The following IFT88 variants were observed in gnomAD, a reference collection of about 807,000 sequenced individuals.
The protein encoded by IFT88 is intraflagellar transport protein 88 homolog.
Under a neutral mutation model 119.5 loss-of-function variants are expected in IFT88, and 74 were observed. That is an observed-to-expected ratio of 0.62 (90% CI 0.51 to 0.75). The LOEUF (loss-of-function observed/expected upper bound fraction) is 0.75. IFT88 is among the 30% of genes least tolerant of loss of function. The probability of loss-of-function intolerance (pLI) is 0.00; values close to 1 mark genes in which losing one functional copy is unlikely to be tolerated. For missense variants in IFT88, 961 were observed against 977.7 expected, an observed-to-expected ratio of 0.98 and a Z score of 0.23; for synonymous variants, 279 against 316.7, an observed-to-expected ratio of 0.88 and a Z score of 1.26.
rs774970759 is a variant in IFT88, at chr13:20,690,828, C to T, written c.2353+13C>T. The T allele has an allele frequency of 6.4e-7, 1 of 1,563,742 alleles. No homozygotes were observed. The highest frequency in any genetic ancestry group is 1.1e-5 in the South Asian group (1 of 90,008). ...AACAAAGAAATAGGCAAGTACTCTC[C>T]ACCCAGTTCCTCCAGGCATAGCAGG... On this transcript the variant is annotated intron_variant, in intron 25 of 25. Coordinates refer to ENST00000351808, the MANE Select transcript of IFT88 (RefSeq NM_006531.5).
At chr13:20,610,337 G>A (rs530370057) in intron 13 of IFT88, among the ~76,000 whole-genome samples, 10 of 152,148 alleles carry the variant, frequency 6.6e-5, no homozygotes, top group South Asian at 6.2e-4. Flanking sequence ...TGTGTAAAAC[G>A]GGAAGAGTCA....
chr13:20,623,635 C>T (rs1253503917), intron 14 of IFT88, among the ~76,000 whole-genome samples: 1 of 152,092 alleles, frequency 6.6e-6, no homozygotes, highest in African/African-American at 2.4e-5. Context: ...CCACCATGCC[C>T]AGCTAATTTT....
At chr13:20,652,031 T>C (rs1197307331) in intron 20 of IFT88, among the ~76,000 whole-genome samples, 1 of 152,126 alleles carries the variant, frequency 6.6e-6, no homozygotes, top group Non-Finnish European at 1.5e-5. Context: ...TTTGTAGAGA[T>C]AGAAAGTAGA....
intron 1 of IFT88, among the ~76,000 whole-genome samples, chr13:20,568,217 T>C (rs1278112135): frequency 1.3e-5 from 2 of 152,160 alleles, no homozygotes; most frequent in Non-Finnish European, 2.9e-5. Flanking sequence ...TGATTTATAT[T>C]AAACATAGGT....
chr13:20,589,917 G>T, intron 4 of IFT88, 50 bp downstream of exon 4: 1 of 1,090,554 alleles, frequency 9.2e-7, no homozygotes, highest in Non-Finnish European at 1.4e-6. Flanking sequence ...TCATACAATA[G>T]TTCACTTTAG....
At chr13:20,593,955 G>A (rs772093731) in intron 7 of IFT88, among the ~76,000 whole-genome samples, 6 of 152,022 alleles carry the variant, frequency 3.9e-5, no homozygotes, top group Non-Finnish European at 8.8e-5. Context: ...GAAGGCTGAG[G>A]TGGGAGGATG....
intron 14 of IFT88, 53 bp downstream of exon 14, chr13:20,615,932 T>C: frequency 1.0e-6 from 1 of 964,812 alleles, no homozygotes; most frequent in Non-Finnish European, 1.5e-6. Context: ...TCATAATTTA[T>C]ACTTTTAAAT....
intron 18 of IFT88, chr13:20,642,131 G>A (rs1328725323): frequency 6.6e-6 from 1 of 151,978 alleles, no homozygotes; most frequent in Non-Finnish European, 1.5e-5. Context: ...TCCTTATTTT[G>A]GTAAGCTTTG....
At position 20,638,592 on chromosome 13, in the gene IFT88, A is replaced by C. The variant is rs183555891; in HGVS notation, c.1573+74A>C. ...TATTTGTTTTTGTTTTGTTTTGCTT[A>C]AAGAGCTCTAACACATTAGGAGGAG... On this transcript the variant is annotated intron_variant, in intron 17 of 25. Transcript: ENST00000351808. 8.3e-5 allele frequency: 89 copies of C among 1,077,432 alleles called. No individual in the cohort carries two copies. In the African/African-American group the frequency reaches 1.3e-3, roughly 16 times the overall value. 66.7% of individuals were successfully genotyped at this position (1,077,432 alleles called of 1,614,324 possible). A position where few individuals can be genotyped will look rare whatever the true frequency, so the allele number is the denominator to read the frequency against.
At chr13:20,650,415 T>A (rs913400102) in intron 20 of IFT88, among the ~76,000 whole-genome samples, 8 of 152,122 alleles carry the variant, frequency 5.3e-5, no homozygotes, top group Non-Finnish European at 1.2e-4. Flanking sequence ...ATGACAAAAT[T>A]CAACACCGCT....
At chr13:20,634,209 C>A (rs1327621672) in intron 16 of IFT88, among the ~76,000 whole-genome samples, 1 of 152,118 alleles carries the variant, frequency 6.6e-6, no homozygotes, top group African/African-American at 2.4e-5. Flanking sequence ...TTTTGTTGAA[C>A]AAAACAAACA....
intron 14 of IFT88, among the ~76,000 whole-genome samples, chr13:20,617,815 A>T (rs1367817940): frequency 1.3e-5 from 2 of 152,120 alleles, no homozygotes; most frequent in Non-Finnish European, 1.5e-5. Flanking sequence ...TTTTCTTGAG[A>T]TTGAGTCTCA....
intron 16 of IFT88, among the ~76,000 whole-genome samples, chr13:20,632,510 C>T (rs1429367515): frequency 6.6e-6 from 1 of 152,168 alleles, no homozygotes; most frequent in Admixed American, 6.5e-5. Context: ...GTTTTGCTTA[C>T]GTTTTGCTCA....
intron 20 of IFT88, among the ~76,000 whole-genome samples, chr13:20,648,738 T>G (rs74538886): frequency 0.014 from 2,168 of 152,190 alleles, 47 homozygotes; most frequent in African/African-American, 0.05. Flanking sequence ...GCAGATTGAA[T>G]AAGAAAATCA....
chr13:20,628,702 T>G (rs184007803), intron 15 of IFT88, among the ~76,000 whole-genome samples: 52 of 152,300 alleles, frequency 3.4e-4, no homozygotes, highest in African/African-American at 1.1e-3. Flanking sequence ...TAGATCATAG[T>G]TTAGAAACGT....
chr13:20,570,876 T>C (rs1357832384), intron 1 of IFT88, among the ~76,000 whole-genome samples: 1 of 152,134 alleles, frequency 6.6e-6, no homozygotes, highest in Non-Finnish European at 1.5e-5. Context: ...AAACTAATAA[T>C]TTTGTTAGTA....
intron 1 of IFT88, chr13:20,567,831 A>G: frequency 8.5e-7 from 1 of 1,180,132 alleles, no homozygotes; most frequent in Non-Finnish European, 1.1e-6. Flanking sequence ...TTACACTTTT[A>G]CTAGTCCGAT....
intron 23 of IFT88, 72 bp from the exon 24 acceptor site, chr13:20,670,901 T>A (rs536238614): frequency 7.6e-7 from 1 of 1,314,396 alleles, no homozygotes; most frequent in Admixed American, 1.9e-5. Context: ...AATTTTAAAA[T>A]CCACCTTTAT....
intron 3 of IFT88, 31 bp from the exon 4 acceptor site, chr13:20,589,780 C>T: frequency 1.3e-6 from 2 of 1,497,556 alleles, no homozygotes. Context: ...CAGTCTGAAT[C>T]CTGTTAACTA....
Sources: gnomAD v4.1 joint callset for allele counts (sites outside exome capture counted in the v4.1 genomes callset) on GRCh38, gnomAD v4.1.1 for gene constraint, MANE v1.5 for transcripts, NCBI Gene and HGNC (gene_info 2026-07-23, HGNC 2026-07-21) for gene names.